TMEM63B: variants seen among roughly 807,000 people sequenced by gnomAD.
The protein encoded by TMEM63B is mechanosensitive cation channel TMEM63B.
Under a neutral mutation model 102.6 loss-of-function variants are expected in TMEM63B, and 23 were observed. The observed-to-expected ratio is 0.22, with a 90% CI of 0.16 to 0.32. The LOEUF is 0.32. Ranked by LOEUF, TMEM63B falls within the 10% of genes least tolerant of loss-of-function variation. TMEM63B has a pLI of 1.00. For synonymous variants in TMEM63B, 444 were observed against 437.0 expected (o/e 1.02, Z -0.20); for missense variants, 628 against 1,095.9 (o/e 0.57, Z 6.03).
chr6:44,150,067 T>C lies in TMEM63B; in HGVS notation c.1520+102T>C. The C allele has an allele frequency of 1.4e-5, 19 of 1,372,936 alleles. No homozygotes were observed. Among genetic ancestry groups the C allele is most frequent in the Non-Finnish European group, 1.9e-5 (19 of 987,636 alleles). The allele number at this position is 1,372,936 out of a possible 1,614,324, so 85.0% of individuals were successfully genotyped here. A position where few individuals can be genotyped will look rare whatever the true frequency, so the allele number is the denominator to read the frequency against. On this transcript the variant is annotated intron_variant, in intron 16 of 23. Coordinates refer to ENST00000323267, the MANE Select transcript of TMEM63B (RefSeq NM_018426.3). This position sits in a 1 kb window ranked among gnomAD's most constrained non-coding sequence, Gnocchi z 4.7. ...CCTTCAGGCTCCTGGCCCTGGGCAGTCCCACAGCTGGTAGGGAAGGGGTAG... is the reference window on the plus strand; with the variant it reads ...CCTTCAGGCTCCTGGCCCTGGGCAGCCCCACAGCTGGTAGGGAAGGGGTAG...
At chr6:44,151,496 G>A (rs1766608743) in intron 18 of TMEM63B, among the ~76,000 whole-genome samples, 1 of 152,134 alleles carries the variant, frequency 6.6e-6, no homozygotes, top group Non-Finnish European at 1.5e-5. Flanking sequence ...CTAAGTGGGG[G>A]AATCTTCTGG....
chr6:44,136,559 C>G, intron 5 of TMEM63B, 120 bp downstream of exon 5: 3 of 719,376 alleles, frequency 4.2e-6, no homozygotes, highest in South Asian at 3.4e-5. Flanking sequence ...TCCTCCTCAG[C>G]AAAGAAAGTG....
rs767609101 is a variant in TMEM63B, at chr6:44,135,410, C to A, written c.278+44C>A. The A allele has an allele frequency of 2.5e-6, 4 of 1,580,622 alleles. No homozygotes were observed. In the South Asian group the frequency reaches 4.6e-5, roughly 18 times the overall value. ...CCCTCATTCCCACTAAACCAGCTTT[C>A]CCTTTTCTTCTCTCACGCTTCTCTT... is the stretch of plus-strand genomic sequence containing the variant. On this transcript the variant is annotated intron_variant, in intron 4 of 23. Coordinates refer to ENST00000323267, the MANE Select transcript of TMEM63B (RefSeq NM_018426.3).
chr6:44,140,878 C>G, intron 9 of TMEM63B, 150 bp from the exon 10 acceptor site: 2 of 680,042 alleles, frequency 2.9e-6, no homozygotes, highest in Non-Finnish European at 2.6e-6. Context: ...ATAACTAAGG[C>G]CTCCTCCCAC....
rs992525144 is a variant in TMEM63B, at chr6:44,127,667, C to T, written c.-36C>T. The T allele has an allele frequency of 2.7e-5, 4 of 147,658 alleles. No individual in the cohort carries two copies. The highest frequency in any genetic ancestry group is 9.8e-5 in the African/African-American group (4 of 40,690). The allele number at this position is 147,658 out of a possible 1,614,324, so 9.1% of individuals were successfully genotyped here. A position where few individuals can be genotyped will look rare whatever the true frequency, so the allele number is the denominator to read the frequency against. On this transcript the variant is annotated 5_prime_UTR_variant, in exon 1 of 24. Transcript: ENST00000323267. ...CCGGGGCTCCGAGCCGGAGCCGAGT[C>T]TGCGCCTGGGGGTGAGTACGCGACC...
intron 10 of TMEM63B, among the ~76,000 whole-genome samples, chr6:44,142,296 G>C (rs1182841116): frequency 2.0e-5 from 3 of 151,072 alleles, no homozygotes; most frequent in African/African-American, 7.3e-5. Context: ...AATCATTGAG[G>C]GCCGGGAGTT....
chr6:44,134,853 CAGG>C lies in TMEM63B; in HGVS notation c.159+116_159+118del, dbSNP rs1762604039. The C allele has an allele frequency of 2.7e-6, 4 of 1,508,760 alleles. No individual in the cohort carries two copies. The Admixed American group carries it at 5.3e-5, about 20-fold the overall frequency. 93.5% of individuals were successfully genotyped at this position (1,508,760 alleles called of 1,614,324 possible). A position where few individuals can be genotyped will look rare whatever the true frequency, so the allele number is the denominator to read the frequency against. On this transcript the variant is annotated intron_variant, in intron 2 of 23. Transcript: ENST00000323267. ...CCTGCCCCGGTTTCCCAGGCTTAAG[CAGG>C]AGGAGTCCCCATCATCCAGCCCAAG...
Position 44,146,916 on chromosome 6 carries a change from C to T in TMEM63B, c.852C>T (p.Leu284=), listed in dbSNP as rs149814373. The change falls in exon 11 of 24, where the codon CTC becomes CTT. Residue 284 remains leucine, a synonymous_variant. Coordinates refer to ENST00000323267, the MANE Select transcript of TMEM63B (RefSeq NM_018426.3). ...ACAACGTGGCTCGCCTAATGTTCCT[C>T]GATGCAGAGAGGTAAGGGACTGGGG... ...PCYNVARLMF[L]DAERKKAERG... is the part of the protein sequence containing the mutation. 7.2e-4 allele frequency: 1,166 copies of T among 1,613,988 alleles called. 1 individual carries two copies. The highest frequency in any genetic ancestry group is 1.6e-3 in the Admixed American group (97 of 60,022).
chr6:44,154,120 A>G lies in TMEM63B; in HGVS notation c.2158A>G (p.Thr720Ala). ...SMFTFVVLVITIVICLCHVCF... is the reference protein window; with the variant it reads ...SMFTFVVLVIAIVICLCHVCF... Reference sequence around the variant, plus strand: ...GTTCACATTTGTGGTCCTGGTCATCACCATCGTCATCTGTCTCTGCCACGT... The same window carrying G: ...GTTCACATTTGTGGTCCTGGTCATCGCCATCGTCATCTGTCTCTGCCACGT... The change falls in exon 22 of 24, where the codon ACC (threonine) becomes GCC (alanine). Residue 720 changes from threonine (T) to alanine (A), a missense_variant. Around this residue, in one of 6 missense-constraint regions of TMEM63B, gnomAD observed 129 missense variants for 153.5 expected, o/e 0.84. Transcript: ENST00000323267. 1.9e-6 allele frequency: 3 copies of G among 1,614,068 alleles called. No homozygotes were observed. The highest frequency in any genetic ancestry group is 2.5e-6 in the Non-Finnish European group (3 of 1,179,972).
At chr6:44,134,494 C>T (rs1762542915) in intron 1 of TMEM63B, 67 bp from the exon 2 acceptor site, 40 of 1,507,302 alleles carry the variant, frequency 2.7e-5, no homozygotes, top group South Asian at 2.4e-4. Flanking sequence ...CCCCTCCCCA[C>T]GCCCACCCTA....
chr6:44,144,357 TAG>T (rs1170386092), intron 10 of TMEM63B, among the ~76,000 whole-genome samples: 2 of 152,144 alleles, frequency 1.3e-5, no homozygotes, highest in East Asian at 3.9e-4. Flanking sequence ...TGGTTGGATT[TAG>T]AGGATTAGAG....
rs1766224123 is a variant in TMEM63B, at chr6:44,149,842, CCT to C, written c.1414-16_1414-15del. 5 of 1,599,050 alleles carry C rather than the reference CCT, an allele frequency of 3.1e-6. No individual in the cohort carries two copies. Among genetic ancestry groups the C allele is most frequent in the Non-Finnish European group, 4.3e-6 (5 of 1,172,644 alleles). ...CCTAGACTGCCCTGCCTGACGCCCCCCTGTGCCCTGCTGCAGAACCCCATCAT... is the reference window on the plus strand; with the variant it reads ...CCTAGACTGCCCTGCCTGACGCCCCCGTGCCCTGCTGCAGAACCCCATCAT... On this transcript the variant is annotated splice_polypyrimidine_tract_variant and intron_variant, in intron 15 of 23. Transcript: ENST00000323267.
At chr6:44,139,379 G>T (rs1454995624) in intron 6 of TMEM63B, 88 bp from the exon 7 acceptor site, 5 of 1,540,308 alleles carry the variant, frequency 3.2e-6, no homozygotes, top group Non-Finnish European at 2.7e-6. Context: ...GTGGGTTTGG[G>T]GTGGGAGTGG....
chr6:44,135,420 C>T, intron 4 of TMEM63B, 54 bp downstream of exon 4: 3 of 1,568,150 alleles, frequency 1.9e-6, no homozygotes, highest in South Asian at 1.2e-5. Context: ...CCCTTTTCTT[C>T]TCTCACGCTT....
At chr6:44,149,721 T>A in intron 15 of TMEM63B, 138 bp from the exon 16 acceptor site, 1 of 648,792 alleles carries the variant, frequency 1.5e-6, no homozygotes, top group Non-Finnish European at 2.7e-6. Context: ...ACCCCAGCCC[T>A]CCGGATGTTC....
chr6:44,140,374 A>G lies in TMEM63B; in HGVS notation c.711+14A>G. 1 of 1,602,296 alleles carries G rather than the reference A, an allele frequency of 6.2e-7. No homozygotes were observed. The highest frequency in any genetic ancestry group is 8.5e-7 in the Non-Finnish European group (1 of 1,169,914). On this transcript the variant is annotated intron_variant, in intron 9 of 23. Coordinates refer to ENST00000323267, the MANE Select transcript of TMEM63B (RefSeq NM_018426.3). ...GAGGATGATCTGGTGCGTGGAGCAG[A>G]GCCCAGGTCCTGCCCCATCCCCAGC...
intron 6 of TMEM63B, chr6:44,138,971 G>A (rs552947793): frequency 5.9e-4 from 147 of 248,052 alleles, no homozygotes; most frequent in African/African-American, 3.0e-3. Context: ...CCTCCCCCAA[G>A]GGTACCCGGG....
At chr6:44,140,423 G>C (rs1256304818) in intron 9 of TMEM63B, 63 bp downstream of exon 9, 3 of 1,359,662 alleles carry the variant, frequency 2.2e-6, no homozygotes, top group Non-Finnish European at 3.1e-6. Context: ...TTCCCTGCAG[G>C]CCTCTTTTGT....
At chr6:44,139,896 T>C (rs1763881599) in intron 8 of TMEM63B, 137 bp downstream of exon 8, 5 of 1,092,656 alleles carry the variant, frequency 4.6e-6, no homozygotes, top group East Asian at 2.4e-5. Flanking sequence ...AGGGCTTGGG[T>C]TGGAGACAGA....
Sources: allele counts gnomAD v4.1 joint callset (sites outside exome capture counted in the v4.1 genomes callset), GRCh38; gene constraint gnomAD v4.1.1; regional missense constraint gnomAD v4.1.1; non-coding constraint Gnocchi (gnomAD v3.1); transcripts MANE v1.5; gene names NCBI Gene and HGNC (gene_info 2026-07-23, HGNC 2026-07-21).